CDK17: variants seen among roughly 807,000 people sequenced by gnomAD.
The protein encoded by CDK17 is cyclin-dependent kinase 17.
In CDK17, 24 loss-of-function variants were observed where a neutral mutation model predicts 77.6. The observed-to-expected ratio is 0.31, with a 90% CI of 0.22 to 0.44. The LOEUF (loss-of-function observed/expected upper bound fraction) is 0.44. CDK17 is among the 20% of genes least tolerant of loss of function. The pLI, the probability that CDK17 is intolerant of heterozygous loss-of-function variation, is 1.00. For synonymous variants in CDK17, 203 were observed against 210.4 expected, an observed-to-expected ratio of 0.96 and a Z score of 0.30; for missense variants, 429 against 622.5, an observed-to-expected ratio of 0.69 and a Z score of 3.31.
intron 10 of CDK17, among the ~76,000 whole-genome samples, chr12:96,290,505 T>C (rs2137072422): frequency 6.6e-6 from 1 of 152,350 alleles, no homozygotes; most frequent in African/African-American, 2.4e-5. Flanking sequence ...TAGGCAGGAC[T>C]CATATACTAT....
chr12:96,366,577 G>A (rs1337216222), intron 1 of CDK17, among the ~76,000 whole-genome samples: 1 of 152,136 alleles, frequency 6.6e-6, no homozygotes, highest in Non-Finnish European at 1.5e-5. Context: ...AAATCAGTTC[G>A]TAGTACCTCA....
At chr12:96,287,887 C>T (rs1167445326) in intron 11 of CDK17, among the ~76,000 whole-genome samples, 1 of 152,108 alleles carries the variant, frequency 6.6e-6, no homozygotes, top group Non-Finnish European at 1.5e-5. Flanking sequence ...ACCTTAAAGA[C>T]ATTATGCCAA....
chr12:96,366,521 G>C (rs1430451634), intron 1 of CDK17, among the ~76,000 whole-genome samples: 2 of 152,140 alleles, frequency 1.3e-5, no homozygotes, highest in African/African-American at 4.8e-5. Flanking sequence ...TGAAAAACAA[G>C]TGAAATTATA....
intron 1 of CDK17, among the ~76,000 whole-genome samples, chr12:96,377,186 C>A (rs1162792703): frequency 6.6e-6 from 1 of 152,156 alleles, no homozygotes; most frequent in Non-Finnish European, 1.5e-5. Flanking sequence ...GTGAAAAACA[C>A]AACCACAAGT....
intron 14 of CDK17, 36 bp downstream of exon 14, chr12:96,283,564 TAAC>T (rs1952205994): frequency 7.5e-7 from 1 of 1,329,268 alleles, no homozygotes; most frequent in African/African-American, 1.4e-5. Flanking sequence ...AGCTGAGGCT[TAAC>T]AACCTATTTA....
At chr12:96,319,269 T>C (rs1360647502) in intron 3 of CDK17, among the ~76,000 whole-genome samples, 1 of 148,818 alleles carries the variant, frequency 6.7e-6, no homozygotes, top group Non-Finnish European at 1.5e-5. Flanking sequence ...AATCTCTGAA[T>C]AGACCAATAA....
chr12:96,311,262 A>G, intron 4 of CDK17, 85 bp from the exon 5 acceptor site: 2 of 1,142,222 alleles, frequency 1.8e-6, no homozygotes, highest in Non-Finnish European at 2.4e-6. Context: ...ATTATTTCTT[A>G]GTGATAAGTA....
intron 1 of CDK17, among the ~76,000 whole-genome samples, chr12:96,393,075 C>A (rs1211638051): frequency 6.6e-6 from 1 of 151,984 alleles, no homozygotes; most frequent in African/African-American, 2.4e-5. Context: ...TTCTTAAAAC[C>A]AATTTAAGGC....
chr12:96,388,360 G>C (rs1954011439), intron 1 of CDK17, among the ~76,000 whole-genome samples: 1 of 152,048 alleles, frequency 6.6e-6, no homozygotes, highest in African/African-American at 2.4e-5. Flanking sequence ...GCACATCTTA[G>C]ACTATTTAGT....
At chr12:96,297,479 TA>T (rs1163201142) in intron 8 of CDK17, 147 bp from the exon 9 acceptor site, 4 of 740,944 alleles carry the variant, frequency 5.4e-6, no homozygotes, top group Admixed American at 5.5e-5. Context: ...AACTGATAAC[TA>T]AATAATAAAG....
Position 96,343,377 on chromosome 12 carries a change from C to A in CDK17, c.-29-8512G>T, listed in dbSNP as rs567077513. Among the ~76,000 whole-genome samples, 10 of 152,254 alleles carry A rather than the reference C, an allele frequency of 6.6e-5. No homozygotes were observed. The South Asian group carries it at 1.7e-3, about 25-fold the overall frequency. On this transcript the variant is annotated intron_variant, in intron 1 of 16. Coordinates refer to ENST00000261211, the MANE Select transcript of CDK17 (RefSeq NM_002595.5). Reference sequence around the variant, plus strand: ...GGAATAGCAGCCCCCATCTCTGGAGCGACTTATTAGTGCCATAGCAGGCAG... The same window carrying A: ...GGAATAGCAGCCCCCATCTCTGGAGAGACTTATTAGTGCCATAGCAGGCAG...
At chr12:96,315,656 A>T (rs943669662) in intron 3 of CDK17, among the ~76,000 whole-genome samples, 9 of 152,194 alleles carry the variant, frequency 5.9e-5, no homozygotes, top group Admixed American at 1.3e-4. Context: ...AAAATACAAT[A>T]TTTTAAAATG....
At chr12:96,366,962 C>T (rs1443965773) in intron 1 of CDK17, among the ~76,000 whole-genome samples, 2 of 152,006 alleles carry the variant, frequency 1.3e-5, no homozygotes, top group Non-Finnish European at 2.9e-5. Flanking sequence ...AACTAAAGAC[C>T]TTTGCTCTTA....
intron 1 of CDK17, among the ~76,000 whole-genome samples, chr12:96,365,428 T>G (rs922945265): frequency 2.6e-5 from 4 of 152,204 alleles, no homozygotes; most frequent in African/African-American, 4.8e-5. Flanking sequence ...CACTATTTAG[T>G]AAACCCTGAT....
intron 4 of CDK17, 117 bp downstream of exon 4, chr12:96,313,204 T>G (rs1413048657): frequency 1.9e-5 from 12 of 622,846 alleles, no homozygotes; most frequent in Non-Finnish European, 3.1e-5. Context: ...TTCTTACAAG[T>G]GTCACGTGTC....
intron 4 of CDK17, among the ~76,000 whole-genome samples, chr12:96,312,412 G>A (rs1229172722): frequency 5.3e-5 from 8 of 152,124 alleles, no homozygotes; most frequent in African/African-American, 1.9e-4. Flanking sequence ...TAAAACAAAT[G>A]ATTTTAAAAA....
At chr12:96,384,450 T>A (rs200705525) in intron 1 of CDK17, among the ~76,000 whole-genome samples, 1 of 152,214 alleles carries the variant, frequency 6.6e-6, no homozygotes, top group Non-Finnish European at 1.5e-5. Flanking sequence ...AAAAGACTCA[T>A]GTATTCATAG....
At chr12:96,319,949 G>T (rs1952792512) in intron 3 of CDK17, among the ~76,000 whole-genome samples, 1 of 148,668 alleles carries the variant, frequency 6.7e-6, no homozygotes, top group African/African-American at 2.5e-5. Context: ...GTTCTGGCCA[G>T]GGCAATCAGG....
chr12:96,358,172 A>G (rs1241878768), intron 1 of CDK17, among the ~76,000 whole-genome samples: 1 of 152,094 alleles, frequency 6.6e-6, no homozygotes, highest in Non-Finnish European at 1.5e-5. Context: ...GGATTAAAAT[A>G]AAGTTTATGA....
Sources: allele counts gnomAD v4.1 joint callset (sites outside exome capture counted in the v4.1 genomes callset), GRCh38; gene constraint gnomAD v4.1.1; transcripts MANE v1.5; gene names NCBI Gene and HGNC (gene_info 2026-07-23, HGNC 2026-07-21).